Variants in TSNARE1 observed in about 807,000 individuals in gnomAD.
TSNARE1 encodes t-SNARE domain-containing protein 1.
Under a neutral mutation model 62.0 loss-of-function variants are expected in TSNARE1, and 49 were observed. The ratio of observed to expected loss-of-function variants is 0.79; its 90% confidence interval spans 0.63 to 1.00. The LOEUF (loss-of-function observed/expected upper bound fraction) is 1.00, where lower values mean the gene tolerates loss of function less well. Ranked by LOEUF, TSNARE1 falls within the 50% of genes least tolerant of loss-of-function variation. The pLI, the probability that TSNARE1 is intolerant of heterozygous loss-of-function variation, is 0.00. For synonymous variants in TSNARE1, 328 were observed against 294.4 expected (o/e 1.11, Z -1.17); for missense variants, 755 against 700.1 (o/e 1.08, Z -0.88).
At chr8:142,398,939 A>G (rs1352761918) in intron 1 of TSNARE1, among the ~76,000 whole-genome samples, 1 of 152,048 alleles carries the variant, frequency 6.6e-6, no homozygotes, top group Non-Finnish European at 1.5e-5. Flanking sequence ...CCCATCCCAG[A>G]CTCAGCAAGC....
intron 10 of TSNARE1, among the ~76,000 whole-genome samples, chr8:142,289,850 G>A (rs901140966): frequency 1.3e-5 from 2 of 152,238 alleles, no homozygotes; most frequent in African/African-American, 4.8e-5. Context: ...CTGCGGCTGC[G>A]AGAGAGCCGG....
At chr8:142,396,343 C>A (rs894966495) in intron 1 of TSNARE1, among the ~76,000 whole-genome samples, 1 of 152,154 alleles carries the variant, frequency 6.6e-6, no homozygotes, top group South Asian at 2.1e-4. Flanking sequence ...GGGGCTCACA[C>A]CACCCCGACC....
intron 4 of TSNARE1, among the ~76,000 whole-genome samples, 184 bp downstream of exon 4, chr8:142,343,782 A>AGAAGGAGGG (rs1832932516): frequency 1.9e-5 from 1 of 53,500 alleles, no homozygotes; most frequent in African/African-American, 1.6e-4. Context: ...GAGGAGGAGG[A>AGAAGGAGGG]GGAGGAGGAG....
chr8:142,337,538 G>T (rs573762220), intron 4 of TSNARE1, among the ~76,000 whole-genome samples: 86 of 152,358 alleles, frequency 5.6e-4, no homozygotes, highest in Admixed American at 1.8e-3. Context: ...TCTAGAAACG[G>T]CTGTTGAGTC....
intron 13 of TSNARE1, among the ~76,000 whole-genome samples, chr8:142,216,966 G>A (rs117158859): frequency 0.01 from 1,579 of 152,218 alleles, 11 homozygotes; most frequent in Non-Finnish European, 0.017. Flanking sequence ...CCTAAGGACC[G>A]GGCGCGGTGG....
At chr8:142,214,991 G>A (rs768555338) in intron 13 of TSNARE1, among the ~76,000 whole-genome samples, 2 of 152,162 alleles carry the variant, frequency 1.3e-5, no homozygotes, top group Non-Finnish European at 2.9e-5. Flanking sequence ...CTCCCCCAGC[G>A]CTTCCCACCT....
intron 2 of TSNARE1, among the ~76,000 whole-genome samples, chr8:142,349,622 TAAAAGA>T (rs1833832487): frequency 6.6e-6 from 1 of 152,138 alleles, no homozygotes; most frequent in Non-Finnish European, 1.5e-5. Context: ...ATACTGACTA[TAAAAGA>T]AGACAGAGAA....
chr8:142,271,595 C>T, intron 12 of TSNARE1: 1 of 1,428,864 alleles, frequency 7.0e-7, no homozygotes, highest in Non-Finnish European at 9.1e-7. Context: ...GTGGAAGACT[C>T]CTCGTAAGTC....
chr8:142,280,604 C>T (rs1446695839), intron 11 of TSNARE1, among the ~76,000 whole-genome samples: 2 of 152,186 alleles, frequency 1.3e-5, no homozygotes, highest in African/African-American at 4.8e-5. Context: ...CACGACTGCT[C>T]CCTTCCCTGA....
intron 4 of TSNARE1, 124 bp downstream of exon 4, chr8:142,343,842 G>A (rs1832978590): frequency 3.8e-6 from 3 of 789,478 alleles, no homozygotes; most frequent in Non-Finnish European, 5.4e-6. Context: ...AGGGGAAGGG[G>A]AGGAAGAGGA....
chr8:142,275,414 A>C (rs67295124), intron 11 of TSNARE1: 101,592 of 985,182 alleles, frequency 0.1, 5,821 homozygotes, highest in East Asian at 0.33. Context: ...GGTACCTGGG[A>C]AAAGCCGGGC....
chr8:142,357,199 G>C (rs752280032), intron 1 of TSNARE1, among the ~76,000 whole-genome samples: 3 of 152,244 alleles, frequency 2.0e-5, no homozygotes, highest in Non-Finnish European at 4.4e-5. Context: ...ATCCCAGCCA[G>C]AGCTCACTCG....
chr8:142,270,208 G>A lies in TSNARE1; in HGVS notation c.1446+4573C>T, dbSNP rs568514709. On this transcript the variant is annotated intron_variant, in intron 12 of 13. Transcript: ENST00000524325. ...CTGCCGCGCAGGGACTGGAGATGTG[G>A]CAGCCCCGCCAAGGGATCTCCCAAG... The A allele has an allele frequency of 1.7e-3, 1,659 of 985,316 alleles. 2 individuals carry two copies. The highest frequency in any genetic ancestry group is 1.9e-3 in the Non-Finnish European group (1,556 of 829,890). 61.0% of individuals were successfully genotyped at this position (985,316 alleles called of 1,614,324 possible). A position where few individuals can be genotyped will look rare whatever the true frequency, so the allele number is the denominator to read the frequency against.
intron 11 of TSNARE1, among the ~76,000 whole-genome samples, chr8:142,279,085 G>T (rs1008132362): frequency 3.3e-5 from 5 of 152,212 alleles, no homozygotes; most frequent in Non-Finnish European, 7.4e-5. Context: ...CTGGGGGAGA[G>T]CGGAGGGAAG....
chr8:142,337,933 ACT>A (rs1335488230), intron 4 of TSNARE1, among the ~76,000 whole-genome samples: 1 of 151,926 alleles, frequency 6.6e-6, no homozygotes, highest in Non-Finnish European at 1.5e-5. Context: ...CAATCCCATG[ACT>A]CTGGCCGGGG....
chr8:142,354,068 G>T (rs1023089684), intron 2 of TSNARE1, among the ~76,000 whole-genome samples: 2 of 152,186 alleles, frequency 1.3e-5, no homozygotes, highest in African/African-American at 4.8e-5. Flanking sequence ...AGCAGGAGCG[G>T]GGGGTTACCA....
upstream of TSNARE1, chr8:142,405,948 T>G (rs1838578076): frequency 6.6e-6 from 1 of 152,296 alleles, no homozygotes; most frequent in Non-Finnish European, 1.5e-5. Flanking sequence ...CCAGTTTTGT[T>G]CAAGGCATCA....
At chr8:142,305,401 A>C (rs1826499081) in intron 9 of TSNARE1, among the ~76,000 whole-genome samples, 2 of 152,150 alleles carry the variant, frequency 1.3e-5, no homozygotes, top group East Asian at 3.9e-4. Flanking sequence ...GAAAGCGGCC[A>C]GGCTGGGGTG....
At chr8:142,321,982 G>A (rs1829544701) in intron 6 of TSNARE1, among the ~76,000 whole-genome samples, 1 of 152,004 alleles carries the variant, frequency 6.6e-6, no homozygotes, top group Admixed American at 6.6e-5. Context: ...CACAAACCCA[G>A]CAGCAAAAAT....
Sources: allele counts gnomAD v4.1 joint callset (sites outside exome capture counted in the v4.1 genomes callset), GRCh38; gene constraint gnomAD v4.1.1; transcripts MANE v1.5; gene names NCBI Gene and HGNC (gene_info 2026-07-23, HGNC 2026-07-21).